Variants in CELSR1 observed in about 807,000 individuals in gnomAD.
CELSR1 encodes adhesion G protein-coupled receptor C1.
A neutral mutation model predicts 249.1 loss-of-function variants in CELSR1; 110 were observed. That is an observed-to-expected ratio of 0.44 (90% CI 0.38 to 0.52). The LOEUF (loss-of-function observed/expected upper bound fraction) is 0.52. Ranked by LOEUF, CELSR1 falls within the 20% of genes least tolerant of loss-of-function variation. CELSR1 has a pLI of 0.00. For synonymous variants in CELSR1, 2,113 were observed against 1,900.0 expected (o/e 1.11, Z -2.92); for missense variants, 4,109 against 4,296.4 (o/e 0.96, Z 1.22).
intron 2 of CELSR1, chr22:46,462,974 G>A (rs925979753): frequency 2.8e-5 from 13 of 457,586 alleles, no homozygotes; most frequent in African/African-American, 2.7e-4. Context: ...ATGATTAATG[G>A]CTCAATGGTT....
intron 25 of CELSR1, among the ~76,000 whole-genome samples, chr22:46,371,342 AC>A (rs1256006163): frequency 6.6e-6 from 1 of 151,314 alleles, no homozygotes; most frequent in Non-Finnish European, 1.5e-5. Context: ...TGGGAGCAAC[AC>A]CCCCCCACCC....
chr22:46,520,716 C>T (rs1441228875), intron 1 of CELSR1, among the ~76,000 whole-genome samples: 2 of 152,160 alleles, frequency 1.3e-5, no homozygotes, highest in Non-Finnish European at 2.9e-5. Flanking sequence ...CCTGCCTCGG[C>T]CTCCCAAAGT....
rs118157655 is a variant in CELSR1 at position 46,410,449 on chromosome 22, C to T, written c.4882G>A (p.Gly1628Ser). The change falls in exon 7 of 35, where the codon GGC becomes AGC. Residue 1628 changes from glycine (G) to serine (S), a missense_variant. Physicochemically the swap from Gly to Ser is moderately conservative, Grantham distance 56 (BLOSUM62 0). Coordinates refer to ENST00000674500, the MANE Select transcript of CELSR1 (RefSeq NM_001378328.1). The surrounding 1 kb of genome is among the most constrained non-coding windows in gnomAD (Gnocchi z 6.8). ...VGCMRNLSVD[G>S]KNVDMAGFIA... ...AATCCGGCCATGTCCACATTTTTGCCGTCGACTGACAGGTTCCGCATGCAG... is the reference window on the plus strand; with the variant it reads ...AATCCGGCCATGTCCACATTTTTGCTGTCGACTGACAGGTTCCGCATGCAG... 3.9e-5 allele frequency: 63 copies of T among 1,613,940 alleles called. No homozygotes were observed. Among genetic ancestry groups the T allele is most frequent in the South Asian group, 3.8e-4 (35 of 91,080 alleles).
Position 46,533,663 on chromosome 22 carries a change from GGTT to G in CELSR1, c.3505_3507del (p.Asn1169del). ...ACCTCCATGAGCGCCTCCAGCGGCC[GGTT>G]GTTGTCCAGGTCGCGGCTGAGCTGC... On this transcript the variant is annotated inframe_deletion, in exon 1 of 35. Transcript: ENST00000674500. The G allele has an allele frequency of 6.3e-7, 1 of 1,599,966 alleles. No homozygotes were observed. Among genetic ancestry groups the G allele is most frequent in the Middle Eastern group, 1.7e-4 (1 of 6,036 alleles).
At chr22:46,420,649 ACACTAACACATGCT>A (rs1230898830) in intron 5 of CELSR1, among the ~76,000 whole-genome samples, 1 of 152,192 alleles carries the variant, frequency 6.6e-6, no homozygotes, top group African/African-American at 2.4e-5. Context: ...ACAGTCTTGC[ACACTAACACATGCT>A]CATACAAAGT....
chr22:46,536,553 C>T lies in CELSR1; in HGVS notation c.618G>A (p.Gly206=), dbSNP rs922489318. The part of the protein sequence containing the change: ...VGLALEAATA[G]TPSASPSPSP... ...ATGGGGATGGCGACGCGGAGGGCGT[C>T]CCCGCGGTGGCGGCCTCCAGCGCCA... The change falls in exon 1 of 35, where the codon GGG becomes GGA. Residue 206 remains glycine (G), a synonymous_variant. Transcript: ENST00000674500. The T allele has an allele frequency of 4.5e-6, 6 of 1,339,696 alleles. No homozygotes were observed. The highest frequency in any genetic ancestry group is 3.1e-5 in the African/African-American group (2 of 64,240). 83.0% of individuals were successfully genotyped at this position (1,339,696 alleles called of 1,614,324 possible). A position where few individuals can be genotyped will look rare whatever the true frequency, so the allele number is the denominator to read the frequency against.
intron 14 of CELSR1, among the ~76,000 whole-genome samples, chr22:46,392,712 A>G (rs1021235104): frequency 6.6e-6 from 1 of 152,018 alleles, no homozygotes; most frequent in Admixed American, 6.6e-5. Flanking sequence ...AAGCATCAGC[A>G]CGCTCAGCTA....
chr22:46,513,656 G>A (rs2080596310), intron 1 of CELSR1, among the ~76,000 whole-genome samples: 1 of 152,004 alleles, frequency 6.6e-6, no homozygotes, highest in South Asian at 2.1e-4. Context: ...CACTTCCTAC[G>A]GGCAGCAACA....
At chr22:46,477,193 G>A (rs1414694257) in intron 1 of CELSR1, among the ~76,000 whole-genome samples, 1 of 152,186 alleles carries the variant, frequency 6.6e-6, no homozygotes, top group African/African-American at 2.4e-5. Context: ...TGCTGAGTAT[G>A]GCTTGGGTAG....
rs774613460 is a variant in CELSR1, at chr22:46,536,042, C to T, written c.1129G>A (p.Ala377Thr). Residue 377 changes from alanine to threonine, a missense_variant, in exon 1 of 35, where the codon GCC becomes ACC. By Grantham distance (58) the Ala-to-Thr change is moderately conservative (BLOSUM62 0). This residue lies in a region of CELSR1 where 673 missense variants were observed against 636.8 expected (regional missense o/e 1.06). Transcript: ENST00000674500. ...TTGATGGGCGAGTCGCGGTCGCTGG[C>T]GCGGATGGTCAGCACCTCGTAGCCC... ...EVGYEVLTIR[A>T]SDRDSPINAN... 7 of 1,610,350 alleles carry T rather than the reference C, an allele frequency of 4.3e-6. No homozygotes were observed. Among genetic ancestry groups the T allele is most frequent in the Non-Finnish European group, 4.2e-6 (5 of 1,179,880 alleles).
chr22:46,373,055 A>C lies in CELSR1; in HGVS notation c.7587T>G (p.Phe2529Leu). Residue 2529 changes from phenylalanine (F) to leucine (L), a missense_variant and splice_region_variant, in exon 25 of 35, where the codon TTT becomes TTG. Coordinates refer to ENST00000674500, the MANE Select transcript of CELSR1 (RefSeq NM_001378328.1). ...GGAGGATGGCAACCACTGTGCACAG[A>C]AACTGCGCAGGGAGGGGCCGCTCAG... ...VIGINQTENP[F>L]LCTVVAILLH... 1 of 1,602,210 alleles carries C rather than the reference A, an allele frequency of 6.2e-7. No homozygotes were observed.
chr22:46,513,195 A>G (rs543759777), intron 1 of CELSR1, among the ~76,000 whole-genome samples: 1 of 152,310 alleles, frequency 6.6e-6, no homozygotes, highest in South Asian at 2.1e-4. Flanking sequence ...TGCTGCAGTG[A>G]GCCAGAACAC....
rs753957353 is a variant in CELSR1 at position 46,409,726 on chromosome 22, C to T, written c.5059+29G>A. 8.1e-6 allele frequency: 13 copies of T among 1,609,998 alleles called. No individual in the cohort carries two copies. The South Asian group carries it at 8.8e-5, about 11-fold the overall frequency. ...GCAATGCCTCCCAGGCCGCCGTGAC[C>T]GGGGGGATGGACGACGCCGGCCACT... On this transcript the variant is annotated intron_variant, in intron 8 of 34. Coordinates refer to ENST00000674500, the MANE Select transcript of CELSR1 (RefSeq NM_001378328.1). The surrounding 1 kb of genome is among the most constrained non-coding windows in gnomAD (Gnocchi z 9.8).
At chr22:46,465,250 C>T (rs2080083820) in intron 1 of CELSR1, among the ~76,000 whole-genome samples, 1 of 152,024 alleles carries the variant, frequency 6.6e-6, no homozygotes, top group South Asian at 2.1e-4. Flanking sequence ...TGCAGAATAG[C>T]CTGCCAAGTC....
chr22:46,400,539 A>C (rs9627444), intron 9 of CELSR1, among the ~76,000 whole-genome samples: 3,008 of 152,118 alleles, frequency 0.02, 105 homozygotes, highest in African/African-American at 0.069. Flanking sequence ...CCGCAGGCTA[A>C]GGCAGCAGAA....
intron 1 of CELSR1, among the ~76,000 whole-genome samples, chr22:46,519,739 C>G (rs1263865314): frequency 6.6e-6 from 1 of 152,192 alleles, no homozygotes; most frequent in East Asian, 1.9e-4. Context: ...AAACACGAAG[C>G]CTTCCTTGCA....
chr22:46,382,697 A>G (rs560838281), intron 20 of CELSR1, among the ~76,000 whole-genome samples: 1 of 152,318 alleles, frequency 6.6e-6, no homozygotes, highest in Admixed American at 6.5e-5. Context: ...CCATCCGCAC[A>G]ATGGAATATT....
At chr22:46,469,090 A>T (rs985834488) in intron 1 of CELSR1, among the ~76,000 whole-genome samples, 5 of 152,188 alleles carry the variant, frequency 3.3e-5, no homozygotes, top group Admixed American at 1.3e-4. Flanking sequence ...TAAAAATGAA[A>T]AATCTTAAAA....
intron 1 of CELSR1, among the ~76,000 whole-genome samples, chr22:46,466,777 G>C (rs868363786): frequency 6.6e-6 from 1 of 152,320 alleles, no homozygotes; most frequent in Admixed American, 6.5e-5. Flanking sequence ...ACCGAACTGT[G>C]TCTCCTCAAA....
Sources: gnomAD v4.1 joint callset for allele counts (sites outside exome capture counted in the v4.1 genomes callset) on GRCh38, gnomAD v4.1.1 for gene constraint, gnomAD v4.1.1 regional missense constraint, Gnocchi (gnomAD v3.1) non-coding constraint, MANE v1.5 for transcripts, NCBI Gene and HGNC (gene_info 2026-07-23, HGNC 2026-07-21) for gene names.